Variants in EDIL3 observed in about 807,000 individuals in gnomAD.
The protein encoded by EDIL3 is EGF-like repeat and discoidin I-like domain-containing protein 3.
Under a neutral mutation model 67.4 loss-of-function variants are expected in EDIL3, and 37 were observed. The ratio of observed to expected loss-of-function variants is 0.55; its 90% confidence interval spans 0.42 to 0.72. The LOEUF (loss-of-function observed/expected upper bound fraction) is 0.72, where lower values mean the gene tolerates loss of function less well. EDIL3 is among the 30% of genes least tolerant of loss of function. The probability of loss-of-function intolerance (pLI) is 0.00; values close to 1 mark genes in which losing one functional copy is unlikely to be tolerated. For missense variants in EDIL3, 527 were observed against 586.3 expected (o/e 0.90, Z 1.04); for synonymous variants, 195 against 196.3 (o/e 0.99, Z 0.05).
At chr5:84,071,072 C>T (rs1487796645) in intron 6 of EDIL3, among the ~76,000 whole-genome samples, 1 of 152,162 alleles carries the variant, frequency 6.6e-6, no homozygotes, top group Non-Finnish European at 1.5e-5. Flanking sequence ...CAGGCACTAG[C>T]AGGCCTGAGT....
At chr5:84,352,441 C>G (rs765734662) in intron 1 of EDIL3, among the ~76,000 whole-genome samples, 1 of 152,110 alleles carries the variant, frequency 6.6e-6, no homozygotes, top group Non-Finnish European at 1.5e-5. Flanking sequence ...GTTACACACA[C>G]ACACACCATG....
At chr5:84,371,450 T>TATAGAG (rs1323460564) in intron 1 of EDIL3, among the ~76,000 whole-genome samples, 1 of 103,988 alleles carries the variant, frequency 9.6e-6, no homozygotes, top group Non-Finnish European at 2.1e-5. Context: ...TATATATATA[T>TATAGAG]AGAGAGAGAG....
At chr5:84,359,617 G>C (rs1161799182) in intron 1 of EDIL3, among the ~76,000 whole-genome samples, 1 of 152,130 alleles carries the variant, frequency 6.6e-6, no homozygotes, top group African/African-American at 2.4e-5. Flanking sequence ...AGCTAGAATT[G>C]ACTTGAAACT....
chr5:84,254,284 T>G, intron 1 of EDIL3, 72 bp from the exon 2 acceptor site: 1 of 1,491,708 alleles, frequency 6.7e-7, no homozygotes, highest in South Asian at 1.4e-5. Context: ...TAGTTTACTT[T>G]GCTATGGATG....
At chr5:83,977,475 C>T (rs1190266874) in intron 9 of EDIL3, among the ~76,000 whole-genome samples, 1 of 151,712 alleles carries the variant, frequency 6.6e-6, no homozygotes, top group African/African-American at 2.4e-5. Context: ...ATTTGCGAAG[C>T]TTCACTCTCT....
chr5:84,104,618 C>T (rs1464434366), intron 6 of EDIL3, among the ~76,000 whole-genome samples: 1 of 151,662 alleles, frequency 6.6e-6, no homozygotes, highest in Admixed American at 6.6e-5. Context: ...ATCTTCAGAC[C>T]AAAAGCAAAT....
intron 3 of EDIL3, among the ~76,000 whole-genome samples, chr5:84,188,725 A>C (rs1293279960): frequency 1.3e-5 from 2 of 152,090 alleles, no homozygotes; most frequent in African/African-American, 4.8e-5. Flanking sequence ...GGGCATTTGA[A>C]CACACAAAAG....
At chr5:84,210,810 A>G (rs1482021741) in intron 3 of EDIL3, among the ~76,000 whole-genome samples, 1 of 152,202 alleles carries the variant, frequency 6.6e-6, no homozygotes, top group Non-Finnish European at 1.5e-5. Context: ...TTTTATAACC[A>G]CTTTTTAATC....
intron 9 of EDIL3, among the ~76,000 whole-genome samples, chr5:84,037,533 A>G (rs1025290401): frequency 6.6e-6 from 1 of 152,236 alleles, no homozygotes; most frequent in Non-Finnish European, 1.5e-5. Flanking sequence ...AACCACCTGG[A>G]AAGTTAATAT....
At chr5:84,009,673 G>A (rs895587012) in intron 9 of EDIL3, among the ~76,000 whole-genome samples, 1 of 152,152 alleles carries the variant, frequency 6.6e-6, no homozygotes, top group Non-Finnish European at 1.5e-5. Context: ...GCCCTGTCAT[G>A]AGTCGCTGCT....
intron 3 of EDIL3, among the ~76,000 whole-genome samples, chr5:84,221,125 A>T (rs1050140811): frequency 7.9e-5 from 12 of 152,144 alleles, no homozygotes; most frequent in Non-Finnish European, 1.8e-4. Flanking sequence ...ATACATAATA[A>T]CTATTTTTGA....
At chr5:84,077,277 T>G (rs1746879565) in intron 6 of EDIL3, among the ~76,000 whole-genome samples, 13 of 152,214 alleles carry the variant, frequency 8.5e-5, no homozygotes, top group Admixed American at 8.5e-4. Flanking sequence ...ATTGTGTTGA[T>G]TTGTGAATCT....
chr5:84,325,044 G>C (rs1746728878), intron 1 of EDIL3, among the ~76,000 whole-genome samples: 1 of 151,794 alleles, frequency 6.6e-6, no homozygotes, highest in Non-Finnish European at 1.5e-5. Context: ...GCAACTCTTA[G>C]TAGAAAAGCT....
At chr5:84,163,393 C>T (rs1237841851) in intron 4 of EDIL3, among the ~76,000 whole-genome samples, 4 of 151,970 alleles carry the variant, frequency 2.6e-5, no homozygotes, top group South Asian at 2.1e-4. Flanking sequence ...AACTGAAATA[C>T]GTTATATTCC....
intron 5 of EDIL3, among the ~76,000 whole-genome samples, chr5:84,108,049 A>G (rs1747494286): frequency 6.6e-6 from 1 of 151,458 alleles, no homozygotes; most frequent in Admixed American, 6.6e-5. Flanking sequence ...ATGAAAGTCA[A>G]CTTGATTGGT....
At chr5:83,982,995 C>G (rs1744996842) in intron 9 of EDIL3, among the ~76,000 whole-genome samples, 1 of 152,086 alleles carries the variant, frequency 6.6e-6, no homozygotes, top group South Asian at 2.1e-4. Context: ...AACAGCAGCC[C>G]GGAGGAAAGA....
chr5:83,994,384 T>C (rs1456676276), intron 9 of EDIL3, among the ~76,000 whole-genome samples: 2 of 151,918 alleles, frequency 1.3e-5, no homozygotes, highest in South Asian at 2.1e-4. Flanking sequence ...ACAAGGCTTT[T>C]TTTTTTTTCA....
At chr5:84,197,885 TG>T (rs1388156342) in intron 3 of EDIL3, among the ~76,000 whole-genome samples, 2 of 151,724 alleles carry the variant, frequency 1.3e-5, no homozygotes, top group Non-Finnish European at 1.5e-5. Flanking sequence ...AAGCAAGAAA[TG>T]GCTATTGAAT....
intron 9 of EDIL3, among the ~76,000 whole-genome samples, chr5:83,994,969 T>C (rs949987756): frequency 6.6e-6 from 1 of 152,160 alleles, no homozygotes; most frequent in Non-Finnish European, 1.5e-5. Context: ...TAAGAGCAAT[T>C]ATGATTAAAT....
Sources: allele counts gnomAD v4.1 joint callset (sites outside exome capture counted in the v4.1 genomes callset), GRCh38; gene constraint gnomAD v4.1.1; transcripts MANE v1.5; gene names NCBI Gene and HGNC (gene_info 2026-07-23, HGNC 2026-07-21).